CNDP1: variants seen among roughly 807,000 people sequenced by gnomAD.
The protein encoded by CNDP1 is beta-Ala-His dipeptidase.
Under a neutral mutation model 58.1 loss-of-function variants are expected in CNDP1, and 44 were observed. The ratio of observed to expected loss-of-function variants is 0.76; its 90% CI spans 0.60 to 0.97. The LOEUF is 0.97. CNDP1 is among the 50% of genes least tolerant of loss of function. CNDP1 has a pLI of 0.00. For missense variants in CNDP1, 616 were observed against 655.1 expected (o/e 0.94, Z 0.65); for synonymous variants, 254 against 252.6 (o/e 1.01, Z -0.05).
chr18:74,569,391 G>C (rs549414878), intron 6 of CNDP1, among the ~76,000 whole-genome samples: 34 of 152,278 alleles, frequency 2.2e-4, no homozygotes, highest in Non-Finnish European at 3.5e-4. Flanking sequence ...GCGTATATAG[G>C]AGAAATCATG....
intron 6 of CNDP1, among the ~76,000 whole-genome samples, chr18:74,569,409 G>A (rs1026292783): frequency 5.3e-5 from 8 of 152,182 alleles, no homozygotes; most frequent in African/African-American, 1.7e-4. Context: ...ATGCTGGTAG[G>A]AAGTAATTGC....
At chr18:74,558,386 C>CTTTT (rs1981095366) in intron 2 of CNDP1, among the ~76,000 whole-genome samples, 3 of 106,326 alleles carry the variant, frequency 2.8e-5, no homozygotes, top group African/African-American at 7.2e-5. Context: ...GCATTACTTT[C>CTTTT]TTTTTCTTTT....
chr18:74,556,322 T>C lies in CNDP1; in HGVS notation c.25-16T>C, dbSNP rs765993798. On this transcript the variant is annotated splice_polypyrimidine_tract_variant and intron_variant, in intron 1 of 11. Coordinates refer to ENST00000358821, the MANE Select transcript of CNDP1 (RefSeq NM_032649.6). ...CATTGATTTTCATTCGTTCCTCCCA[T>C]GTCAAACCCTTCCAGGCTGCGTCCC... 2.5e-5 allele frequency: 41 copies of C among 1,611,384 alleles called. No individual in the cohort carries two copies. Among genetic ancestry groups the C allele is most frequent in the Non-Finnish European group, 3.3e-5 (39 of 1,179,354 alleles).
chr18:74,548,110 C>A (rs1461282348), intron 1 of CNDP1, among the ~76,000 whole-genome samples: 1 of 152,190 alleles, frequency 6.6e-6, no homozygotes. Context: ...TCTTCAGCTC[C>A]TCTTTCTTCT....
In CNDP1 at chr18:74,567,222, T is replaced by C; in HGVS notation, c.556-11T>C. The C allele has an allele frequency of 6.2e-7, 1 of 1,612,540 alleles. No individual in the cohort carries two copies. The highest frequency in any genetic ancestry group is 8.5e-7 in the Non-Finnish European group (1 of 1,178,588). ...CAACTTGTGCAATTTTTTTCTTCTG[T>C]TGTTACTTAGGATCTTCCTGTGAAT... On this transcript the variant is annotated splice_polypyrimidine_tract_variant and intron_variant, in intron 5 of 11. Transcript: ENST00000358821.
chr18:74,561,825 T>C (rs1392510463), intron 4 of CNDP1, among the ~76,000 whole-genome samples: 1 of 152,194 alleles, frequency 6.6e-6, no homozygotes, highest in Non-Finnish European at 1.5e-5. Context: ...TCTGACTAGC[T>C]GATGACTGTA....
chr18:74,576,913 T>C lies in CNDP1; in HGVS notation c.886T>C (p.Tyr296His), dbSNP rs780997736. ...SSGHILVPGI[Y>H]DEVVPLTEEE... Reference sequence around the variant, plus strand: ...TGGTCATATCCTGGTCCCTGGAATCTATGATGAAGTGGTTCCTCTTACAGA... The same window carrying C: ...TGGTCATATCCTGGTCCCTGGAATCCATGATGAAGTGGTTCCTCTTACAGA... The change falls in exon 8 of 12, where the codon TAT becomes CAT. Residue 296 changes from tyrosine (Y) to histidine (H), a missense_variant. Transcript: ENST00000358821. 9.3e-6 allele frequency: 15 copies of C among 1,613,454 alleles called. No individual in the cohort carries two copies. Among genetic ancestry groups the C allele is most frequent in the Non-Finnish European group, 1.3e-5 (15 of 1,179,720 alleles).
chr18:74,569,613 G>T (rs1240627349), intron 6 of CNDP1, among the ~76,000 whole-genome samples: 1 of 152,126 alleles, frequency 6.6e-6, no homozygotes, highest in Non-Finnish European at 1.5e-5. Context: ...AGCACCGCAT[G>T]GTCAGAGATA....
chr18:74,547,162 T>C (rs1266828672), intron 1 of CNDP1, among the ~76,000 whole-genome samples: 8 of 152,224 alleles, frequency 5.3e-5, no homozygotes, highest in Non-Finnish European at 1.5e-5. Flanking sequence ...TTTAAAATCC[T>C]GTGATGGTGA....
chr18:74,536,335 A>G (rs57071242), intron 1 of CNDP1, among the ~76,000 whole-genome samples: 15,766 of 152,034 alleles, frequency 0.1, 890 homozygotes, highest in Middle Eastern at 0.17. Flanking sequence ...GTTCTCCTCT[A>G]TGTGTCCATG....
At chr18:74,539,368 C>T (rs1419344459) in intron 1 of CNDP1, among the ~76,000 whole-genome samples, 3 of 152,212 alleles carry the variant, frequency 2.0e-5, no homozygotes, top group Non-Finnish European at 2.9e-5. Flanking sequence ...CTCCTGCACA[C>T]TGTCTCACGA....
At chr18:74,535,859 C>T (rs1261631779) in intron 1 of CNDP1, among the ~76,000 whole-genome samples, 3 of 152,016 alleles carry the variant, frequency 2.0e-5, no homozygotes, top group African/African-American at 7.2e-5. Context: ...TAGTGAGACC[C>T]TGACTCTACA....
At chr18:74,544,471 C>A (rs1980705930) in intron 1 of CNDP1, among the ~76,000 whole-genome samples, 1 of 151,920 alleles carries the variant, frequency 6.6e-6, no homozygotes, top group Non-Finnish European at 1.5e-5. Flanking sequence ...AATCCCAGCA[C>A]TTTGGGAGGC....
At chr18:74,565,885 A>C (rs1308960637) in intron 5 of CNDP1, among the ~76,000 whole-genome samples, 1 of 152,184 alleles carries the variant, frequency 6.6e-6, no homozygotes, top group East Asian at 1.9e-4. Context: ...TTTCCCTTCC[A>C]CACTGCCCTA....
chr18:74,556,465 A>G lies in CNDP1; in HGVS notation c.152A>G (p.Gln51Arg). 6.2e-7 allele frequency: 1 copy of G among 1,614,192 alleles called. No individual in the cohort carries two copies. The highest frequency in any genetic ancestry group is 8.5e-7 in the Non-Finnish European group (1 of 1,180,002). Residue 51 changes from glutamine to arginine, a missense_variant and splice_region_variant, in exon 2 of 12, where the codon CAG becomes CGG. Gln to Arg is a conservative substitution (Grantham distance 43). Transcript: ENST00000358821. Reference protein sequence around the residue: ...YIDLHQDEFVQTLKEWVAIES... With the variant: ...YIDLHQDEFVRTLKEWVAIES... ...GACCTCCATCAGGATGAATTTGTGCAGGTAGGAGAAAGAAACTACACAACT... is the reference window on the plus strand; with the variant it reads ...GACCTCCATCAGGATGAATTTGTGCGGGTAGGAGAAAGAAACTACACAACT...
intron 5 of CNDP1, among the ~76,000 whole-genome samples, chr18:74,566,615 T>C (rs1981334036): frequency 6.6e-6 from 1 of 152,234 alleles, no homozygotes; most frequent in Non-Finnish European, 1.5e-5. Flanking sequence ...TCCAAAAAAG[T>C]TCCACATCTC....
intron 1 of CNDP1, among the ~76,000 whole-genome samples, chr18:74,539,131 A>G (rs945765010): frequency 1.3e-5 from 2 of 149,928 alleles, no homozygotes; most frequent in African/African-American, 4.9e-5. Flanking sequence ...ATACATGGAC[A>G]TTCGCTGCAA....
At chr18:74,573,791 C>T (rs1007883761) in intron 7 of CNDP1, among the ~76,000 whole-genome samples, 5 of 152,222 alleles carry the variant, frequency 3.3e-5, no homozygotes, top group Non-Finnish European at 5.9e-5. Flanking sequence ...CATCGGATTC[C>T]GTGCAGCCCC....
At chr18:74,582,050 C>T (rs768821696) in intron 10 of CNDP1, among the ~76,000 whole-genome samples, 21 of 152,232 alleles carry the variant, frequency 1.4e-4, no homozygotes, top group Non-Finnish European at 2.4e-4. Context: ...CTTTCCATCA[C>T]CATTCCTGCT....
Sources: allele counts gnomAD v4.1 joint callset (sites outside exome capture counted in the v4.1 genomes callset), GRCh38; gene constraint gnomAD v4.1.1; transcripts MANE v1.5; gene names NCBI Gene and HGNC (gene_info 2026-07-23, HGNC 2026-07-21).